The following IPO11 variants were observed in gnomAD, a reference collection of about 807,000 sequenced individuals.
IPO11 encodes importin 11, also known as importin-11.
IPO11 carries 66 observed loss-of-function variants against 143.2 expected under a neutral mutation model. That is an observed-to-expected ratio of 0.46 (90% confidence interval 0.38 to 0.57). The LOEUF (loss-of-function observed/expected upper bound fraction) is 0.57, where lower values mean the gene tolerates loss of function less well. Among genes scored for constraint, IPO11 ranks in the 20% least tolerant of loss-of-function variants. The pLI is 0.00. For missense variants in IPO11, 1,026 were observed against 1,141.0 expected (o/e 0.90, Z 1.45); for synonymous variants, 385 against 377.8 (o/e 1.02, Z -0.22).
intron 27 of IPO11, among the ~76,000 whole-genome samples, chr5:62,574,423 C>T (rs749612759): frequency 6.6e-5 from 10 of 152,026 alleles, no homozygotes; most frequent in Non-Finnish European, 1.0e-4. Context: ...GGGATTTGCA[C>T]GAAAGAGAAA....
chr5:62,609,821 C>T (rs923372083), intron 29 of IPO11, among the ~76,000 whole-genome samples: 1 of 152,212 alleles, frequency 6.6e-6, no homozygotes, highest in Non-Finnish European at 1.5e-5. Flanking sequence ...TCCTAATGTC[C>T]AGCAGGTGAC....
chr5:62,579,698 T>C (rs1403166701), intron 27 of IPO11: 1 of 1,548,462 alleles, frequency 6.5e-7, no homozygotes, highest in Non-Finnish European at 8.7e-7. Flanking sequence ...CATTCTCTTG[T>C]AGCATTGTAT....
At chr5:62,459,118 T>C (rs369246246) in intron 5 of IPO11, among the ~76,000 whole-genome samples, 5 of 152,000 alleles carry the variant, frequency 3.3e-5, no homozygotes, top group South Asian at 2.1e-4. Flanking sequence ...TCCTCCTCCT[T>C]ACTGAGTTGA....
chr5:62,521,812 T>G (rs1009098733), intron 20 of IPO11, among the ~76,000 whole-genome samples: 1 of 151,954 alleles, frequency 6.6e-6, no homozygotes, highest in Admixed American at 6.6e-5. Context: ...TTTTATTGAG[T>G]TTTTCTTTTC....
At chr5:62,417,465 A>C (rs754952292) in intron 1 of IPO11, among the ~76,000 whole-genome samples, 8 of 150,398 alleles carry the variant, frequency 5.3e-5, no homozygotes, top group Non-Finnish European at 1.0e-4. Context: ...CATTTTAACT[A>C]CTTGTTCGTT....
intron 20 of IPO11, among the ~76,000 whole-genome samples, chr5:62,525,846 A>G (rs1742354095): frequency 6.6e-6 from 1 of 152,254 alleles, no homozygotes; most frequent in Non-Finnish European, 1.5e-5. Context: ...CTGTAGAGAC[A>G]GGGAGAGGAA....
intron 1 of IPO11, among the ~76,000 whole-genome samples, chr5:62,422,133 T>G (rs1470627270): frequency 1.3e-5 from 2 of 152,300 alleles, no homozygotes; most frequent in African/African-American, 4.8e-5. Flanking sequence ...GGAACTTTAT[T>G]TATTTATTTT....
chr5:62,448,880 C>T (rs1244170511), intron 3 of IPO11, among the ~76,000 whole-genome samples: 1 of 152,082 alleles, frequency 6.6e-6, no homozygotes, highest in Non-Finnish European at 1.5e-5. Context: ...CTAGTTAATG[C>T]CAGAACCTTG....
intron 28 of IPO11, among the ~76,000 whole-genome samples, chr5:62,600,912 C>T (rs756108831): frequency 6.6e-6 from 1 of 152,172 alleles, no homozygotes; most frequent in South Asian, 2.1e-4. Flanking sequence ...AAGAATGAGC[C>T]TGATCAAGTT....
Position 62,487,860 on chromosome 5 carries a change from A to G in IPO11, c.1308A>G (p.Gln436=). The change falls in exon 13 of 30, where the codon CAA becomes CAG. Residue 436 remains glutamine, a splice_region_variant and synonymous_variant. Transcript: ENST00000325324. ...PVLLEMMQTL[Q]GPTNVEDMNA... ...TTCTAGAAATGATGCAAACACTTCA[A>G]GGTAAGGCATATTTTGTGATTAACT... 2.5e-6 allele frequency: 4 copies of G among 1,606,176 alleles called. No homozygotes were observed. The highest frequency in any genetic ancestry group is 3.4e-6 in the Non-Finnish European group (4 of 1,177,224).
intron 7 of IPO11, among the ~76,000 whole-genome samples, chr5:62,472,080 C>A (rs139871704): frequency 4.6e-5 from 7 of 152,272 alleles, no homozygotes; most frequent in African/African-American, 1.7e-4. Context: ...TTTTCAATTC[C>A]CTAACTAGAA....
At chr5:62,432,431 C>T (rs977877390) in intron 1 of IPO11, among the ~76,000 whole-genome samples, 5 of 152,150 alleles carry the variant, frequency 3.3e-5, no homozygotes, top group Admixed American at 2.0e-4. Flanking sequence ...GGGGAGAAAC[C>T]GTAGCCCTTG....
At position 62,598,522 on chromosome 5, in the gene IPO11, CTTTCTTTT is replaced by C. The variant is rs1336758651; in HGVS notation, c.2679-3241_2679-3234del. Among the ~76,000 whole-genome samples the C allele has an allele frequency of 7.7e-4, 5 of 6,490 alleles. 1 individual carries two copies. The East Asian group carries it at 0.024, about 32-fold the overall frequency. 4.3% of individuals were successfully genotyped at this position (6,490 alleles called of 152,430 possible). ...TCTTTCTTTCTTTCTTTCTTTCTTT[CTTTCTTTT>C]CTTTCTTTTCTTTCTTTTCTTTCTT... On this transcript the variant is annotated intron_variant, in intron 28 of 29. Transcript: ENST00000325324.
intron 29 of IPO11, among the ~76,000 whole-genome samples, chr5:62,614,406 C>A (rs78547766): frequency 0.052 from 7,927 of 152,306 alleles, 238 homozygotes; most frequent in South Asian, 0.082. Flanking sequence ...GCTCCTCGCC[C>A]CTTCCCGCCA....
intron 27 of IPO11, among the ~76,000 whole-genome samples, chr5:62,584,638 A>C (rs1048513848): frequency 1.5e-5 from 2 of 133,366 alleles, no homozygotes; most frequent in Non-Finnish European, 3.2e-5. Flanking sequence ...AAAAAAAAAA[A>C]GGAAATAGGA....
intron 27 of IPO11, chr5:62,562,310 A>T (rs1388135710): frequency 6.6e-6 from 1 of 152,252 alleles, no homozygotes; most frequent in Non-Finnish European, 1.5e-5. Flanking sequence ...ATGATACTAC[A>T]TTAGATCTTT....
At chr5:62,485,243 C>A (rs1561330269) in intron 11 of IPO11, among the ~76,000 whole-genome samples, 176 bp from the exon 12 acceptor site, 1 of 152,132 alleles carries the variant, frequency 6.6e-6, no homozygotes, top group Non-Finnish European at 1.5e-5. Context: ...GTGAGATACA[C>A]AACTGTGATC....
At chr5:62,426,928 T>C (rs1380893962) in intron 1 of IPO11, among the ~76,000 whole-genome samples, 20 of 139,482 alleles carry the variant, frequency 1.4e-4, no homozygotes, top group African/African-American at 4.9e-4. Context: ...CTTTTTTCTT[T>C]CTGTTTTTTT....
chr5:62,550,849 G>T (rs1192472241), intron 25 of IPO11, among the ~76,000 whole-genome samples: 1 of 151,374 alleles, frequency 6.6e-6, no homozygotes, highest in Non-Finnish European at 1.5e-5. Context: ...ATGGACCTGT[G>T]TATGTTATGA....
Sources: allele counts gnomAD v4.1 joint callset (sites outside exome capture counted in the v4.1 genomes callset), GRCh38; gene constraint gnomAD v4.1.1; transcripts MANE v1.5; gene names NCBI Gene and HGNC (gene_info 2026-07-23, HGNC 2026-07-21).